The following SAMTOR variants were observed in gnomAD, a reference collection of about 807,000 sequenced individuals.
SAMTOR encodes the protein S-adenosylmethionine sensor upstream of mTORC1, also known as UPF0532 protein C7orf60.
chr7:112,868,402 T>C, the SAMTOR span, among the ~76,000 whole-genome samples: 1 of 152,216 alleles, frequency 6.6e-6, no homozygotes, highest in Non-Finnish European at 1.5e-5. Context: ...GTGAAGGTGT[T>C]TGGCTGGTTA....
At chr7:112,929,510 C>CAAA in the SAMTOR span, among the ~76,000 whole-genome samples, 106 of 151,938 alleles carry the variant, frequency 7.0e-4, no homozygotes, top group African/African-American at 2.5e-3. Context: ...TTAGTACAGC[C>CAAA]AAAACAGTAT....
the SAMTOR span, among the ~76,000 whole-genome samples, chr7:112,856,267 C>T: frequency 1.3e-4 from 17 of 134,662 alleles, no homozygotes; most frequent in Non-Finnish European, 1.9e-4. Flanking sequence ...TTTTTTTTTT[C>T]GAGACCGAGT....
At chr7:112,837,503 CAA>C in the SAMTOR span, among the ~76,000 whole-genome samples, 2 of 151,868 alleles carry the variant, frequency 1.3e-5, no homozygotes, top group African/African-American at 4.8e-5. Flanking sequence ...TTTTTTGACA[CAA>C]ATCCATGTGG....
At chr7:112,879,573 A>C in the SAMTOR span, among the ~76,000 whole-genome samples, 3 of 152,304 alleles carry the variant, frequency 2.0e-5, no homozygotes, top group East Asian at 5.8e-4. Flanking sequence ...ATACAGGCTC[A>C]GTACTAATCT....
the SAMTOR span, among the ~76,000 whole-genome samples, chr7:112,892,139 T>C: frequency 6.6e-6 from 1 of 152,242 alleles, no homozygotes; most frequent in South Asian, 2.1e-4. Context: ...GTAGATGCCA[T>C]CTCAAAAAGA....
chr7:112,907,961 C>T, the SAMTOR span, among the ~76,000 whole-genome samples: 3 of 152,024 alleles, frequency 2.0e-5, no homozygotes, highest in Middle Eastern at 3.2e-3. Context: ...ATTTAATCTC[C>T]ATTCCTGCAA....
At chr7:112,920,984 A>G in the SAMTOR span, among the ~76,000 whole-genome samples, 34 of 152,312 alleles carry the variant, frequency 2.2e-4, no homozygotes, top group East Asian at 2.9e-3. Flanking sequence ...ATGCTCATGG[A>G]TAGGAAGAAT....
At chr7:112,851,557 A>G in the SAMTOR span, among the ~76,000 whole-genome samples, 1 of 152,232 alleles carries the variant, frequency 6.6e-6, no homozygotes, top group East Asian at 1.9e-4. Flanking sequence ...GATTGATTAA[A>G]GATTTAAATG....
the SAMTOR span, among the ~76,000 whole-genome samples, chr7:112,929,309 C>T: frequency 1.3e-5 from 2 of 151,680 alleles, no homozygotes; most frequent in East Asian, 1.9e-4. Context: ...AAAGACAACA[C>T]AAAAAATGGC....
the SAMTOR span, chr7:112,895,513 T>C: frequency 7.7e-7 from 1 of 1,303,636 alleles, no homozygotes; most frequent in African/African-American, 1.5e-5. Flanking sequence ...AACCACTGCA[T>C]TATTTCACAT....
the SAMTOR span, among the ~76,000 whole-genome samples, chr7:112,935,008 TTTC>T: frequency 1.3e-5 from 2 of 152,212 alleles, no homozygotes; most frequent in African/African-American, 4.8e-5. Context: ...TTTCATTATT[TTTC>T]TTCTGTTGGG....
At chr7:112,819,653 C>T in the SAMTOR span, 1 of 152,452 alleles carries the variant, frequency 6.6e-6, no homozygotes, top group Non-Finnish European at 1.5e-5. Context: ...AAAGAGACTT[C>T]CTCAGAGTAC....
At chr7:112,832,184 T>C in the SAMTOR span, among the ~76,000 whole-genome samples, 1 of 151,934 alleles carries the variant, frequency 6.6e-6, no homozygotes, top group Non-Finnish European at 1.5e-5. Flanking sequence ...GCTACATTTT[T>C]TTTATTTTTT....
chr7:112,918,318 C>G, the SAMTOR span, among the ~76,000 whole-genome samples: 1 of 152,188 alleles, frequency 6.6e-6, no homozygotes, highest in African/African-American at 2.4e-5. Context: ...AAAGAATTTT[C>G]AACCCAGAAT....
chr7:112,843,038 T>G, the SAMTOR span, among the ~76,000 whole-genome samples: 3 of 152,198 alleles, frequency 2.0e-5, no homozygotes, highest in African/African-American at 7.2e-5. Flanking sequence ...CAAATAAAAC[T>G]TCTTTGCCAA....
the SAMTOR span, among the ~76,000 whole-genome samples, chr7:112,932,300 T>C: frequency 6.6e-6 from 1 of 152,014 alleles, no homozygotes; most frequent in African/African-American, 2.4e-5. Context: ...TGAGAACAAA[T>C]AAAGATACCA....
the SAMTOR span, among the ~76,000 whole-genome samples, chr7:112,853,238 T>C: frequency 1.3e-5 from 2 of 152,174 alleles, no homozygotes; most frequent in African/African-American, 4.8e-5. Flanking sequence ...ATAACTTCAT[T>C]TGACATTTTT....
the SAMTOR span, among the ~76,000 whole-genome samples, chr7:112,854,150 GT>G: frequency 3.3e-5 from 5 of 151,980 alleles, no homozygotes; most frequent in Non-Finnish European, 4.4e-5. Flanking sequence ...GAAAAAAATA[GT>G]TAGAAAATAT....
At chr7:112,822,312 T>C in the SAMTOR span, 10 of 1,613,410 alleles carry the variant, frequency 6.2e-6, no homozygotes, top group Non-Finnish European at 8.5e-6. Flanking sequence ...ATCTATAGCA[T>C]CCTGTGCAAG....
Sources: gnomAD v4.1 joint callset for allele counts (sites outside exome capture counted in the v4.1 genomes callset) on GRCh38, gnomAD v4.1.1 for gene constraint, MANE v1.5 for transcripts, NCBI Gene and HGNC (gene_info 2026-07-23, HGNC 2026-07-21) for gene names.